Variants in NAT1 observed in about 807,000 individuals in gnomAD.
The protein encoded by NAT1 is N-acetyltransferase 1.
For synonymous variants in NAT1, 144 were observed against 122.6 expected (o/e 1.17, Z -1.16); for missense variants, 400 against 339.2 (o/e 1.18, Z -1.41).
At chr8:18,221,969 AG>A in intron 2 of NAT1, 72 bp from the exon 3 acceptor site, 1 of 1,392,756 alleles carries the variant, frequency 7.2e-7, no homozygotes, top group Non-Finnish European at 9.8e-7. Flanking sequence ...TTTAAAATAT[AG>A]CCATAATTAG....
chr8:18,206,989 G>T (rs1803752186), upstream of NAT1, among the ~76,000 whole-genome samples: 1 of 151,992 alleles, frequency 6.6e-6, no homozygotes, highest in African/African-American at 2.4e-5. Context: ...TTCTTCTAGG[G>T]TTTTTATAGT....
At chr8:18,190,896 A>G (rs555528367) in intron 2 of NAT1, among the ~76,000 whole-genome samples, 2 of 152,062 alleles carry the variant, frequency 1.3e-5, no homozygotes, top group East Asian at 3.9e-4. Flanking sequence ...GTGAAACCCC[A>G]TCTCTACTAA....
intron 1 of NAT1, chr8:18,211,333 C>T (rs957948783): frequency 6.6e-6 from 1 of 152,204 alleles, no homozygotes; most frequent in African/African-American, 2.4e-5. Context: ...ACATGAGGCC[C>T]ACTACAATGG....
upstream of NAT1, chr8:18,209,894 C>T (rs1396127691): frequency 6.6e-6 from 1 of 152,172 alleles, no homozygotes; most frequent in Non-Finnish European, 1.5e-5. Flanking sequence ...TATAAGAGCA[C>T]AGTCCTCCCA....
intron 2 of NAT1, among the ~76,000 whole-genome samples, chr8:18,178,207 A>G (rs1430105894): frequency 6.6e-6 from 1 of 152,114 alleles, no homozygotes; most frequent in African/African-American, 2.4e-5. Context: ...TGTTTCTAGG[A>G]ACCTCTGTTT....
At chr8:18,188,413 A>C (rs986737890) in intron 2 of NAT1, among the ~76,000 whole-genome samples, 1 of 152,180 alleles carries the variant, frequency 6.6e-6, no homozygotes, top group African/African-American at 2.4e-5. Context: ...GATTTGTTTA[A>C]GATATTCCAG....
intron 1 of NAT1, among the ~76,000 whole-genome samples, chr8:18,216,726 T>C (rs1804708837): frequency 6.6e-6 from 1 of 151,960 alleles, no homozygotes; most frequent in Admixed American, 6.6e-5. Context: ...AATAGTAATA[T>C]TGGGAGAAGA....
intron 2 of NAT1, among the ~76,000 whole-genome samples, chr8:18,197,386 CT>C (rs563856685): frequency 1.6e-4 from 25 of 152,304 alleles, no homozygotes; most frequent in African/African-American, 6.0e-4. Flanking sequence ...GCTTCTTGGT[CT>C]AATTCTGTGA....
intron 2 of NAT1, among the ~76,000 whole-genome samples, chr8:18,187,531 G>A (rs1354949249): frequency 2.6e-5 from 4 of 152,142 alleles, no homozygotes; most frequent in Non-Finnish European, 4.4e-5. Context: ...CCATAAAAAA[G>A]AATAAGATCA....
chr8:18,215,809 G>A (rs1278596848), intron 1 of NAT1, among the ~76,000 whole-genome samples: 1 of 152,162 alleles, frequency 6.6e-6, no homozygotes, highest in East Asian at 1.9e-4. Flanking sequence ...TGTGGCTGGT[G>A]AGATGTCCAG....
intron 1 of NAT1, 47 bp downstream of exon 1, chr8:18,210,227 T>C (rs548835306): frequency 2.6e-5 from 4 of 152,298 alleles, no homozygotes; most frequent in Admixed American, 2.0e-4. Context: ...TTTAATCCTA[T>C]CTCAACTGTG....
chr8:18,219,523 C>A, intron 2 of NAT1, 34 bp downstream of exon 2: 1 of 1,276,490 alleles, frequency 7.8e-7, no homozygotes, highest in Non-Finnish European at 1.1e-6. Flanking sequence ...TCTCAGTGGG[C>A]TTCCTAAGCA....
intron 2 of NAT1, among the ~76,000 whole-genome samples, chr8:18,191,075 A>G (rs77775056): frequency 0.074 from 11,326 of 152,158 alleles, 1,114 homozygotes; most frequent in African/African-American, 0.23. Flanking sequence ...AAAAAAAGAA[A>G]AAAAAGAAAA....
At chr8:18,185,721 C>T (rs1802705806) in intron 2 of NAT1, among the ~76,000 whole-genome samples, 1 of 151,948 alleles carries the variant, frequency 6.6e-6, no homozygotes. Flanking sequence ...ATTTCTTGAG[C>T]TAGATATTTT....
At chr8:18,197,507 G>C (rs1589081014) in intron 2 of NAT1, among the ~76,000 whole-genome samples, 1 of 152,088 alleles carries the variant, frequency 6.6e-6, no homozygotes, top group East Asian at 1.9e-4. Context: ...GGTGAGACCA[G>C]GGATACTGCT....
Position 18,222,180 on chromosome 8 carries a change from G to A in NAT1, c.133G>A (p.Gly45Arg), listed in dbSNP as rs181298696. The part of the protein sequence containing the change: ...VPFENLNIHC[G>R]DAMDLGLEAI... Reference sequence around the variant, plus strand: ...CTTTGAGAACCTTAACATCCATTGTGGGGATGCCATGGACTTAGGCTTAGA... The same window carrying A: ...CTTTGAGAACCTTAACATCCATTGTAGGGATGCCATGGACTTAGGCTTAGA... The change falls in exon 3 of 3, where the codon GGG becomes AGG. Residue 45 changes from glycine (G) to arginine (R), a missense_variant. Physicochemically the swap from Gly to Arg is moderately radical, Grantham distance 125. Transcript: ENST00000307719. 2 of 1,614,018 alleles carry A rather than the reference G, an allele frequency of 1.2e-6. No individual in the cohort carries two copies. Among genetic ancestry groups the A allele is most frequent in the Non-Finnish European group, 1.7e-6 (2 of 1,180,012 alleles).
Position 18,198,665 on chromosome 8 carries a change from T to G in NAT1, n.93-11116T>G, listed in dbSNP as rs529695089. On this transcript the variant is annotated intron_variant and non_coding_transcript_variant, in intron 2 of 4. Transcript: ENST00000517441. ...TTGACAAACAAAAATTGTATATATTTAAGGTGTAACATGTGATGTTTTGAC... is the reference window on the plus strand; with the variant it reads ...TTGACAAACAAAAATTGTATATATTGAAGGTGTAACATGTGATGTTTTGAC... Among the ~76,000 whole-genome samples the G allele has an allele frequency of 9.2e-5, 14 of 152,352 alleles. No individual in the cohort carries two copies. The South Asian group carries it at 2.9e-3, about 32-fold the overall frequency.
At chr8:18,216,761 T>G in intron 1 of NAT1, 1 of 593,544 alleles carries the variant, frequency 1.7e-6, no homozygotes, top group Non-Finnish European at 2.9e-6. Context: ...CGTAAGAGGC[T>G]AAGCAGTTGA....
intron 2 of NAT1, among the ~76,000 whole-genome samples, chr8:18,197,592 C>A (rs1803288775): frequency 6.6e-6 from 1 of 152,192 alleles, no homozygotes; most frequent in Non-Finnish European, 1.5e-5. Flanking sequence ...GATTCAGAAA[C>A]ACTGGTATGT....
Sources: allele counts gnomAD v4.1 joint callset (sites outside exome capture counted in the v4.1 genomes callset), GRCh38; gene constraint gnomAD v4.1.1; transcripts MANE v1.5; gene names NCBI Gene and HGNC (gene_info 2026-07-23, HGNC 2026-07-21).